The following SLC12A1 variants were observed in gnomAD, a reference collection of about 807,000 sequenced individuals.
SLC12A1 encodes Na-K-2Cl cotransporter.
Under a neutral mutation model 130.4 loss-of-function variants are expected in SLC12A1, and 89 were observed. The observed-to-expected ratio is 0.68, with a 90% confidence interval of 0.58 to 0.81. The LOEUF (loss-of-function observed/expected upper bound fraction) is 0.81, where lower values mean the gene tolerates loss of function less well. Ranked by LOEUF, SLC12A1 falls within the 40% of genes least tolerant of loss-of-function variation. The pLI is 0.00. For synonymous variants in SLC12A1, 499 were observed against 460.0 expected, an observed-to-expected ratio of 1.08 and a Z score of -1.09; for missense variants, 1,310 against 1,336.4, an observed-to-expected ratio of 0.98 and a Z score of 0.31.
At chr15:48,300,427 G>A (rs373453336) in intron 25 of SLC12A1, among the ~76,000 whole-genome samples, 1 of 152,058 alleles carries the variant, frequency 6.6e-6, no homozygotes, top group African/African-American at 2.4e-5. Context: ...TGGGATTTTG[G>A]ACAGTGAAGG....
chr15:48,258,361 A>AAT lies in SLC12A1; in HGVS notation c.2043-838_2043-837insTA, dbSNP rs1491139104. Reference sequence around the variant, plus strand: ...GGGCGACAGAGCGAGACTCCGTCTCAAAAAAAAAAAAAAAAAAAAAAAAAA... The same window carrying AAT: ...GGGCGACAGAGCGAGACTCCGTCTCAATAAAAAAAAAAAAAAAAAAAAAAAAA... On this transcript the variant is annotated intron_variant, in intron 16 of 26. Transcript: ENST00000380993. Among the ~76,000 whole-genome samples the AAT allele has an allele frequency of 7.5e-4, 34 of 45,446 alleles. 2 individuals are homozygous for AAT. The Admixed American group carries it at 9.4e-3, about 13-fold the overall frequency. The allele number at this position is 45,446 out of a possible 152,430, so 29.8% of individuals were successfully genotyped here. A position where few individuals can be genotyped will look rare whatever the true frequency, so the allele number is the denominator to read the frequency against.
chr15:48,279,822 A>G (rs2041992787), intron 20 of SLC12A1, among the ~76,000 whole-genome samples: 1 of 152,222 alleles, frequency 6.6e-6, no homozygotes, highest in African/African-American at 2.4e-5. Flanking sequence ...GTGTCTGATC[A>G]AGTGGCTTAG....
chr15:48,262,200 A>G (rs2041782388), intron 17 of SLC12A1, among the ~76,000 whole-genome samples: 1 of 152,168 alleles, frequency 6.6e-6, no homozygotes, highest in Non-Finnish European at 1.5e-5. Context: ...ATGATGTAAC[A>G]GTGAGATATG....
intron 24 of SLC12A1, among the ~76,000 whole-genome samples, 200 bp downstream of exon 24, chr15:48,292,064 C>A (rs1239074521): frequency 2.0e-5 from 3 of 152,206 alleles, no homozygotes; most frequent in Non-Finnish European, 2.9e-5. Context: ...ACAGTGAAGA[C>A]AAGCCTGAGA....
At chr15:48,294,424 T>G (rs550013646) in intron 24 of SLC12A1, among the ~76,000 whole-genome samples, 1 of 152,224 alleles carries the variant, frequency 6.6e-6, no homozygotes, top group Admixed American at 6.5e-5. Flanking sequence ...TCGACAGTGT[T>G]AAACTGATTA....
At chr15:48,233,510 A>C (rs541836922) in intron 8 of SLC12A1, among the ~76,000 whole-genome samples, 1 of 152,202 alleles carries the variant, frequency 6.6e-6, no homozygotes, top group Non-Finnish European at 1.5e-5. Flanking sequence ...GGCAGAAAAG[A>C]CTGTAGGAGT....
chr15:48,295,972 T>C (rs1284509331), intron 24 of SLC12A1, among the ~76,000 whole-genome samples: 2 of 152,198 alleles, frequency 1.3e-5, no homozygotes, highest in South Asian at 2.1e-4. Flanking sequence ...ACATTTGTAA[T>C]ACCTTAATTA....
chr15:48,240,034 T>TATATATATATATATATATCC (rs2041488645), intron 9 of SLC12A1, among the ~76,000 whole-genome samples: 1 of 25,236 alleles, frequency 4.0e-5, no homozygotes, highest in Non-Finnish European at 1.3e-4. Context: ...TATATCCATA[T>TATATATATATATATATATCC]ATATATATAT....
intron 2 of SLC12A1, among the ~76,000 whole-genome samples, chr15:48,210,061 G>A (rs910137079): frequency 4.6e-5 from 7 of 152,114 alleles, no homozygotes; most frequent in African/African-American, 1.2e-4. Flanking sequence ...ATCCAGCTGC[G>A]GTGTCACTGT....
At chr15:48,247,053 G>T (rs1326966209) in intron 12 of SLC12A1, 37 bp downstream of exon 12, 1 of 1,449,438 alleles carries the variant, frequency 6.9e-7, no homozygotes, top group African/African-American at 1.4e-5. Context: ...TCTCCCTATT[G>T]CTATTTCCAC....
At chr15:48,218,705 T>C (rs879263663) in intron 2 of SLC12A1, among the ~76,000 whole-genome samples, 2 of 152,184 alleles carry the variant, frequency 1.3e-5, no homozygotes, top group Non-Finnish European at 2.9e-5. Flanking sequence ...TTAAATAAGA[T>C]ATAGTCATTC....
intron 7 of SLC12A1, among the ~76,000 whole-genome samples, chr15:48,232,276 T>C (rs1490086382): frequency 1.3e-5 from 2 of 152,216 alleles, no homozygotes; most frequent in South Asian, 2.1e-4. Context: ...TGACGTCAAG[T>C]GCACTGGGAA....
chr15:48,298,363 G>C (rs1229538137), intron 24 of SLC12A1, among the ~76,000 whole-genome samples: 1 of 152,152 alleles, frequency 6.6e-6, no homozygotes, highest in Admixed American at 6.5e-5. Context: ...GTTCTTATAA[G>C]TAATTTTTAA....
chr15:48,286,913 G>A (rs1409911548), intron 21 of SLC12A1, among the ~76,000 whole-genome samples: 2 of 152,154 alleles, frequency 1.3e-5, no homozygotes, highest in Non-Finnish European at 2.9e-5. Flanking sequence ...GCAGAGCTTG[G>A]TCCATTTTGT....
At chr15:48,238,734 C>G (rs2041467363) in intron 9 of SLC12A1, among the ~76,000 whole-genome samples, 5 of 152,172 alleles carry the variant, frequency 3.3e-5, no homozygotes. Context: ...TGTTTACACA[C>G]TATAGGATAG....
chr15:48,260,059 G>A (rs1474455268), intron 17 of SLC12A1, among the ~76,000 whole-genome samples: 1 of 152,062 alleles, frequency 6.6e-6, no homozygotes, highest in African/African-American at 2.4e-5. Context: ...CCTGAGGTCA[G>A]GAGTTCGAGA....
chr15:48,249,551 T>C, intron 13 of SLC12A1, 24 bp from the exon 14 acceptor site: 1 of 1,568,738 alleles, frequency 6.4e-7, no homozygotes, highest in Non-Finnish European at 8.8e-7. Flanking sequence ...CATACGTACA[T>C]GTTCAATTCT....
chr15:48,259,137 A>C, intron 16 of SLC12A1, 63 bp from the exon 17 acceptor site: 1 of 1,051,614 alleles, frequency 9.5e-7, no homozygotes, highest in Admixed American at 1.7e-5. Flanking sequence ...ATCCCACTGG[A>C]ATGGTTCTAA....
intron 24 of SLC12A1, among the ~76,000 whole-genome samples, chr15:48,294,899 T>TTTTTTTTATTTATTTATTTATTTATTTA (rs2042159755): frequency 6.8e-6 from 1 of 147,354 alleles, no homozygotes; most frequent in African/African-American, 2.6e-5. Context: ...CTTCTTTTTA[T>TTTTTTTTATTTATTTATTTATTTATTTA]TTTATTTATT....
Sources: allele counts gnomAD v4.1 joint callset (sites outside exome capture counted in the v4.1 genomes callset), GRCh38; gene constraint gnomAD v4.1.1; transcripts MANE v1.5; gene names NCBI Gene and HGNC (gene_info 2026-07-23, HGNC 2026-07-21).